Variants in SGSM1 observed in about 807,000 individuals in gnomAD.
The protein encoded by SGSM1 is RUN and TBC1 domain containing 2.
Under a neutral mutation model 133.8 loss-of-function variants are expected in SGSM1, and 73 were observed. The ratio of observed to expected loss-of-function variants is 0.55; its 90% CI spans 0.45 to 0.66. The LOEUF (loss-of-function observed/expected upper bound fraction) is 0.66, where lower values mean the gene tolerates loss of function less well. SGSM1 is among the 30% of genes least tolerant of loss of function. SGSM1 has a pLI of 0.00. For synonymous variants in SGSM1, 563 were observed against 573.0 expected, an observed-to-expected ratio of 0.98 and a Z score of 0.25; for missense variants, 1,213 against 1,448.1, an observed-to-expected ratio of 0.84 and a Z score of 2.64.
chr22:24,839,796 T>C (rs958306463), intron 2 of SGSM1, among the ~76,000 whole-genome samples: 3 of 152,180 alleles, frequency 2.0e-5, no homozygotes, highest in African/African-American at 7.2e-5. Flanking sequence ...TATTCTCTTA[T>C]AATGGTTTTT....
At chr22:24,883,461 C>T (rs1486120816) in intron 14 of SGSM1, among the ~76,000 whole-genome samples, 2 of 152,212 alleles carry the variant, frequency 1.3e-5, no homozygotes, top group African/African-American at 4.8e-5. Flanking sequence ...ACCCCCTTCT[C>T]TGCCTCTAGC....
chr22:24,806,585 C>T, intron 2 of SGSM1, 101 bp downstream of exon 2: 3 of 1,377,408 alleles, frequency 2.2e-6, no homozygotes, highest in Non-Finnish European at 2.9e-6. Context: ...GGCGGGGGGG[C>T]GGCCAGAACA....
At chr22:24,819,143 CAAA>C (rs56384293) in intron 2 of SGSM1, among the ~76,000 whole-genome samples, 1 of 106,566 alleles carries the variant, frequency 9.4e-6, no homozygotes, top group African/African-American at 3.3e-5. Flanking sequence ...AAGACTCTGT[CAAA>C]AAAAAAAAAA....
At chr22:24,907,159 C>G (rs902480407) in intron 21 of SGSM1, among the ~76,000 whole-genome samples, 1 of 151,458 alleles carries the variant, frequency 6.6e-6, no homozygotes, top group African/African-American at 2.4e-5. Context: ...ACTTGGGAGG[C>G]TGGGGCAGGA....
intron 2 of SGSM1, among the ~76,000 whole-genome samples, chr22:24,823,467 G>A (rs1928604243): frequency 6.6e-6 from 1 of 152,104 alleles, no homozygotes; most frequent in Non-Finnish European, 1.5e-5. Context: ...TGGGCGTGTT[G>A]GCAGGTGCCT....
intron 20 of SGSM1, among the ~76,000 whole-genome samples, chr22:24,904,182 C>A (rs150941040): frequency 1.3e-5 from 2 of 152,088 alleles, no homozygotes; most frequent in East Asian, 3.9e-4. Context: ...AATCCATGGA[C>A]ATTTTTTAAA....
intron 15 of SGSM1, among the ~76,000 whole-genome samples, chr22:24,884,662 A>G (rs1400405247): frequency 2.0e-5 from 3 of 152,208 alleles, no homozygotes; most frequent in African/African-American, 7.2e-5. Context: ...TAGGCTTTTA[A>G]TATCGGAATG....
chr22:24,849,645 C>T (rs1038870283), intron 4 of SGSM1, among the ~76,000 whole-genome samples: 2 of 152,206 alleles, frequency 1.3e-5, no homozygotes, highest in South Asian at 2.1e-4. Context: ...GAGCTCAGCT[C>T]CAGAGGCTGA....
At position 24,850,403 on chromosome 22, in the gene SGSM1, A is replaced by C; in HGVS notation, c.426A>C (p.Lys142Asn). The C allele has an allele frequency of 6.2e-7, 1 of 1,613,996 alleles. No homozygotes were observed. The highest frequency in any genetic ancestry group is 8.5e-7 in the Non-Finnish European group (1 of 1,179,878). Residue 142 changes from lysine (K) to asparagine (N), a missense_variant, in exon 5 of 25, where the codon AAA becomes AAC. By Grantham distance (94) the Lys-to-Asn change is moderately conservative. Coordinates refer to ENST00000400358, the MANE Select transcript of SGSM1 (RefSeq NM_001098497.3). ...RTALFEKVLDKIVHYLVENSS... is the reference protein window; with the variant it reads ...RTALFEKVLDNIVHYLVENSS... ...CCTTGTTTGAGAAGGTCCTGGACAA[A>C]ATTGTGCATTACCTTGTGGAAAACA...
At chr22:24,844,304 G>A (rs191411900) in intron 2 of SGSM1, 2 of 152,424 alleles carry the variant, frequency 1.3e-5, no homozygotes, top group Non-Finnish European at 2.9e-5. Context: ...TGGAGGCCGA[G>A]GCGGGCAGAT....
intron 5 of SGSM1, among the ~76,000 whole-genome samples, chr22:24,852,536 C>T (rs1299670988): frequency 1.3e-5 from 2 of 152,120 alleles, no homozygotes; most frequent in South Asian, 2.1e-4. Context: ...CTCTGCGTCC[C>T]GTGTTCAAGC....
At position 24,836,413 on chromosome 22, in the gene SGSM1, T is replaced by C. The variant is rs146614119; in HGVS notation, c.64-8484T>C. ...ACTGTGAATAATAGTGCTGTGAACA[T>C]GGGTATACAAATATGACTTTGAGAC... On this transcript the variant is annotated intron_variant, in intron 2 of 24. Coordinates refer to ENST00000400358, the MANE Select transcript of SGSM1 (RefSeq NM_001098497.3). 7.1e-3 allele frequency among the ~76,000 whole-genome samples: 1,077 copies of C among 152,346 alleles called. 7 individuals carry two copies. Among genetic ancestry groups the C allele is most frequent in the Non-Finnish European group, 0.011 (767 of 68,034 alleles).
chr22:24,880,152 TGA>T (rs1569160447), intron 14 of SGSM1, among the ~76,000 whole-genome samples: 2 of 151,962 alleles, frequency 1.3e-5, no homozygotes, highest in African/African-American at 2.4e-5. Flanking sequence ...TTTTTTTTTT[TGA>T]GACAGAGTCT....
At chr22:24,851,742 G>A (rs932545966) in intron 5 of SGSM1, among the ~76,000 whole-genome samples, 1 of 152,240 alleles carries the variant, frequency 6.6e-6, no homozygotes, top group Non-Finnish European at 1.5e-5. Flanking sequence ...GTCAGGGAAA[G>A]TGTCCTGGAT....
chr22:24,822,338 C>T (rs1480756901), intron 2 of SGSM1, among the ~76,000 whole-genome samples: 5 of 151,968 alleles, frequency 3.3e-5, no homozygotes, highest in Admixed American at 6.6e-5. Flanking sequence ...CTGATCTGCC[C>T]GCCTCGGCCT....
intron 16 of SGSM1, among the ~76,000 whole-genome samples, chr22:24,892,831 G>A (rs1482167063): frequency 4.0e-5 from 6 of 148,604 alleles, no homozygotes; most frequent in Non-Finnish European, 7.4e-5. Context: ...GGCGGATCAC[G>A]AGGTCAAGAG....
At position 24,876,634 on chromosome 22, in the gene SGSM1, G is replaced by C; in HGVS notation, c.1349G>C (p.Ser450Thr). Residue 450 changes from serine to threonine, a missense_variant, in exon 13 of 25, where the codon AGT (serine) becomes ACT (threonine). Coordinates refer to ENST00000400358, the MANE Select transcript of SGSM1 (RefSeq NM_001098497.3). The stretch of plus-strand genomic sequence containing the variant: ...AACCTCCCATCCCTGTGGCAGCCCA[G>C]TCCCCGGAAGTCCTCCTGTTCATCC... ...VSNLPSLWQP[S>T]PRKSSCSSCS... 6.2e-7 allele frequency: 1 copy of C among 1,613,990 alleles called. No homozygotes were observed. Among genetic ancestry groups the C allele is most frequent in the Non-Finnish European group, 8.5e-7 (1 of 1,179,896 alleles).
At position 24,859,821 on chromosome 22, in the gene SGSM1, G is replaced by T; in HGVS notation, c.907G>T (p.Asp303Tyr). 1 of 1,613,856 alleles carries T rather than the reference G, an allele frequency of 6.2e-7. No homozygotes were observed. The highest frequency in any genetic ancestry group is 8.5e-7 in the Non-Finnish European group (1 of 1,179,828). ...PNQLMNGSVG[D>Y]LDYEKSVYWD... ...CCAGCTGATGAACGGGTCTGTGGGG[G>T]ACCTGGACTATGAGAAGAGGTAGGG... is the stretch of plus-strand genomic sequence containing the variant. Residue 303 changes from aspartate (D) to tyrosine (Y), a missense_variant, in exon 9 of 25, where the codon GAC becomes TAC. Transcript: ENST00000400358.
At chr22:24,845,955 T>TTCTTTCTTTCTTTCTTTCTCTCTC (rs1569144699) in intron 3 of SGSM1, among the ~76,000 whole-genome samples, 1 of 91,840 alleles carries the variant, frequency 1.1e-5, no homozygotes, top group African/African-American at 3.7e-5. Context: ...CTTTCTTTCT[T>TTCTTTCTTTCTTTCTTTCTCTCTC]TCTTTCTTTC....
Sources: gnomAD v4.1 joint callset for allele counts (sites outside exome capture counted in the v4.1 genomes callset) on GRCh38, gnomAD v4.1.1 for gene constraint, MANE v1.5 for transcripts, NCBI Gene and HGNC (gene_info 2026-07-23, HGNC 2026-07-21) for gene names.